The following NSD1 variants were observed in gnomAD, a reference collection of about 807,000 sequenced individuals.
NSD1 encodes the protein nuclear receptor binding SET domain protein 1.
Under a neutral mutation model 242.7 loss-of-function variants are expected in NSD1, and 26 were observed. The ratio of observed to expected loss-of-function variants is 0.11; its 90% CI spans 0.08 to 0.15. NSD1 has a LOEUF of 0.15. Ranked by LOEUF, NSD1 falls within the 10% of genes least tolerant of loss-of-function variation. NSD1 has a pLI of 1.00. For synonymous variants in NSD1, 1,106 were observed against 1,178.1 expected, an observed-to-expected ratio of 0.94 and a Z score of 1.25; for missense variants, 2,495 against 3,272.8, an observed-to-expected ratio of 0.76 and a Z score of 5.80.
chr5:177,135,484 A>G lies in NSD1; in HGVS notation c.381A>G (p.Lys127=). 1.2e-6 allele frequency: 2 copies of G among 1,614,222 alleles called. No individual in the cohort carries two copies. The highest frequency in any genetic ancestry group is 1.7e-6 in the Non-Finnish European group (2 of 1,180,048). Residue 127 remains lysine, a synonymous_variant, in exon 2 of 23, where the codon AAA becomes AAG. Transcript: ENST00000439151. The part of the protein sequence containing the change: ...SPGGPTALAM[K]QEPSCNNSPE... The stretch of plus-strand genomic sequence containing the variant: ...GTGGTCCTACAGCACTTGCTATGAA[A>G]CAGGAACCCTCTTGTAATAACTCCC...
Position 177,300,033 on chromosome 5 carries a change from G to A in NSD1, c.*4574G>A, listed in dbSNP as rs1001619904. ...GAAAGGGGTCGGGGGGATCAGCCAA[G>A]GTCCATCATTGCTTTTTTGCCGCGC... On this transcript the variant is annotated 3_prime_UTR_variant, in exon 23 of 23. Transcript: ENST00000439151. 4.4e-6 allele frequency: 1 copy of A among 225,850 alleles called. No homozygotes were observed. Among genetic ancestry groups the A allele is most frequent in the African/African-American group, 2.3e-5 (1 of 43,208 alleles). The allele number at this position is 225,850 out of a possible 1,614,324, so 14.0% of individuals were successfully genotyped here.
intron 5 of NSD1, among the ~76,000 whole-genome samples, chr5:177,217,231 T>G (rs1763845871): frequency 6.6e-6 from 1 of 152,184 alleles, no homozygotes; most frequent in South Asian, 2.1e-4. Context: ...TTGGTTAAGT[T>G]TATTCTTAAG....
At chr5:177,145,574 A>C (rs780317138) in intron 2 of NSD1, among the ~76,000 whole-genome samples, 1 of 152,150 alleles carries the variant, frequency 6.6e-6, no homozygotes, top group Non-Finnish European at 1.5e-5. Flanking sequence ...TCTTATTATG[A>C]AATTTTTGTT....
intron 3 of NSD1, among the ~76,000 whole-genome samples, chr5:177,202,923 T>C (rs1460131454): frequency 6.6e-6 from 1 of 152,186 alleles, no homozygotes; most frequent in African/African-American, 2.4e-5. Context: ...TGTTTTTTAA[T>C]AGAAAAACTA....
At chr5:177,164,788 C>G (rs985389464) in intron 2 of NSD1, among the ~76,000 whole-genome samples, 4 of 150,676 alleles carry the variant, frequency 2.7e-5, no homozygotes, top group African/African-American at 9.8e-5. Context: ...TACTAAAATA[C>G]AAAAATTAGA....
intron 17 of NSD1, among the ~76,000 whole-genome samples, chr5:177,275,517 T>C (rs1160694664): frequency 7.7e-6 from 1 of 129,634 alleles, no homozygotes; most frequent in Non-Finnish European, 1.6e-5. Flanking sequence ...CACTGCAAGC[T>C]CTGCCTCCCG....
At chr5:177,278,439 G>A (rs977767551) in intron 17 of NSD1, among the ~76,000 whole-genome samples, 42 of 152,316 alleles carry the variant, frequency 2.8e-4, no homozygotes, top group African/African-American at 9.6e-4. Flanking sequence ...TAGAAAAATG[G>A]TTTGATGGCA....
At chr5:177,149,936 C>A (rs1369379179) in intron 2 of NSD1, among the ~76,000 whole-genome samples, 2 of 151,792 alleles carry the variant, frequency 1.3e-5, no homozygotes, top group Non-Finnish European at 2.9e-5. Context: ...ACCATACTTT[C>A]TTTATTTCTT....
intron 14 of NSD1, among the ~76,000 whole-genome samples, chr5:177,262,966 A>G (rs1757109913): frequency 6.6e-6 from 1 of 152,238 alleles, no homozygotes; most frequent in Non-Finnish European, 1.5e-5. Context: ...TTGTGTATTC[A>G]GTGAAAGGCT....
chr5:177,273,599 G>A, intron 16 of NSD1, 73 bp from the exon 17 acceptor site: 1 of 1,223,508 alleles, frequency 8.2e-7, no homozygotes, highest in East Asian at 2.3e-5. Context: ...AGGGGAAAAA[G>A]TAAAAAATAA....
chr5:177,154,957 A>C (rs1274164228), intron 2 of NSD1, among the ~76,000 whole-genome samples: 1 of 151,248 alleles, frequency 6.6e-6, no homozygotes, highest in Non-Finnish European at 1.5e-5. Flanking sequence ...CAGCCTCCCA[A>C]AGTGCTGGGA....
chr5:177,227,510 G>A (rs1053965459), intron 5 of NSD1, among the ~76,000 whole-genome samples: 1 of 151,976 alleles, frequency 6.6e-6, no homozygotes, highest in Non-Finnish European at 1.5e-5. Flanking sequence ...GCAGTGATGC[G>A]ATCTTGGCTT....
intron 8 of NSD1, among the ~76,000 whole-genome samples, chr5:177,241,284 G>A (rs1478222580): frequency 6.6e-6 from 1 of 151,498 alleles, no homozygotes; most frequent in Non-Finnish European, 1.5e-5. Flanking sequence ...ATCACTTGCG[G>A]TCAGGAGTTG....
At chr5:177,204,355 G>C (rs1391361248) in intron 4 of NSD1, 63 bp downstream of exon 4, 1 of 1,461,136 alleles carries the variant, frequency 6.8e-7, no homozygotes, top group East Asian at 2.3e-5. Context: ...AAAGAAAATG[G>C]CCTCTTATTT....
chr5:177,239,671 T>C, intron 7 of NSD1, 85 bp from the exon 8 acceptor site: 1 of 774,590 alleles, frequency 1.3e-6, no homozygotes, highest in Non-Finnish European at 2.2e-6. Context: ...ACATTGAGAT[T>C]CATTTTGTGT....
intron 5 of NSD1, among the ~76,000 whole-genome samples, chr5:177,225,315 G>T (rs569679000): frequency 2.3e-4 from 35 of 152,060 alleles, no homozygotes; most frequent in African/African-American, 6.7e-4. Context: ...GCTAATTTTT[G>T]TATTTTTAGT....
rs1766333426 is a variant in NSD1 at position 177,246,787 on chromosome 5, A to C, written c.4488A>C (p.Pro1496=). The change falls in exon 10 of 23, where the codon CCA becomes CCC. Residue 1496 remains proline (P), a synonymous_variant. Transcript: ENST00000439151. ...ATGATGACTCGTCAAAAGAGATTCC[A>C]GGCTCAGAGGTATTACTCAGTTCCT... The part of the protein sequence containing the change: ...VKNDDSSKEI[P]GSEGELMPHR... 1.2e-6 allele frequency: 2 copies of C among 1,609,550 alleles called. No individual in the cohort carries two copies. Among genetic ancestry groups the C allele is most frequent in the African/African-American group, 1.3e-5 (1 of 74,846 alleles).
At chr5:177,163,683 C>A (rs919543219) in intron 2 of NSD1, among the ~76,000 whole-genome samples, 1 of 152,152 alleles carries the variant, frequency 6.6e-6, no homozygotes, top group African/African-American at 2.4e-5. Flanking sequence ...GTGCCACATG[C>A]CAGGCAGCCA....
chr5:177,292,288 AT>A, intron 22 of NSD1, 130 bp downstream of exon 22: 1 of 876,718 alleles, frequency 1.1e-6, no homozygotes, highest in Non-Finnish European at 1.8e-6. Flanking sequence ...GGTATGGTCT[AT>A]TTTCTTATTT....
Sources: gnomAD v4.1 joint callset for allele counts (sites outside exome capture counted in the v4.1 genomes callset) on GRCh38, gnomAD v4.1.1 for gene constraint, MANE v1.5 for transcripts, NCBI Gene and HGNC (gene_info 2026-07-23, HGNC 2026-07-21) for gene names.